The following L3MBTL4 variants were observed in gnomAD, a reference collection of about 807,000 sequenced individuals.
The protein encoded by L3MBTL4 is lethal(3)malignant brain tumor-like protein 4.
A neutral mutation model predicts 84.5 loss-of-function variants in L3MBTL4; 70 were observed. The observed-to-expected ratio is 0.83, with a 90% CI of 0.68 to 1.01. L3MBTL4 has a LOEUF of 1.01. L3MBTL4 is among the 50% of genes least tolerant of loss of function. L3MBTL4 has a pLI of 0.00. For missense variants in L3MBTL4, 715 were observed against 754.8 expected (o/e 0.95, Z 0.62); for synonymous variants, 274 against 259.8 (o/e 1.05, Z -0.52).
intron 13 of L3MBTL4, among the ~76,000 whole-genome samples, chr18:6,144,196 CAAAAAA>C (rs35746580): frequency 0.026 from 1,484 of 58,078 alleles, 36 homozygotes; most frequent in African/African-American, 0.083. Context: ...ACTCCATCTC[CAAAAAA>C]AAAAAAAAAA....
At chr18:6,008,439 T>C (rs996456280) in intron 16 of L3MBTL4, among the ~76,000 whole-genome samples, 6 of 152,208 alleles carry the variant, frequency 3.9e-5, no homozygotes, top group Admixed American at 6.5e-5. Flanking sequence ...CAAAATACTA[T>C]AGATTGGTGG....
intron 1 of L3MBTL4, among the ~76,000 whole-genome samples, chr18:6,316,421 C>T (rs2051101899): frequency 6.6e-6 from 1 of 152,170 alleles, no homozygotes; most frequent in African/African-American, 2.4e-5. Context: ...ACATTCTGCT[C>T]ACGGGAAGTT....
chr18:5,960,027 T>TATATATATATACAC, intron 18 of L3MBTL4, 67 bp downstream of exon 18: 1 of 300,826 alleles, frequency 3.3e-6, no homozygotes, highest in Non-Finnish European at 5.6e-6. Context: ...TATATATACA[T>TATATATATATACAC]ATATATATAT....
At chr18:6,202,004 T>C (rs966315680) in intron 12 of L3MBTL4, among the ~76,000 whole-genome samples, 2 of 152,234 alleles carry the variant, frequency 1.3e-5, no homozygotes, top group African/African-American at 4.8e-5. Context: ...TAATTGGATA[T>C]GTAAACAGAC....
chr18:6,393,269 C>G (rs1262961340), intron 1 of L3MBTL4, among the ~76,000 whole-genome samples: 1 of 152,120 alleles, frequency 6.6e-6, no homozygotes, highest in East Asian at 1.9e-4. Flanking sequence ...GCTCCTAGGA[C>G]AGAAACTTAG....
At chr18:6,187,567 G>A (rs919348407) in intron 12 of L3MBTL4, among the ~76,000 whole-genome samples, 2 of 152,176 alleles carry the variant, frequency 1.3e-5, no homozygotes, top group Admixed American at 6.5e-5. Context: ...AATGGCTCAT[G>A]TTTACATGTA....
chr18:6,037,314 C>T (rs995886428), intron 16 of L3MBTL4, among the ~76,000 whole-genome samples: 14 of 152,162 alleles, frequency 9.2e-5, no homozygotes, highest in African/African-American at 3.4e-4. Flanking sequence ...TGCAGTTTAC[C>T]ATGTTAACCA....
intron 16 of L3MBTL4, among the ~76,000 whole-genome samples, chr18:6,012,028 T>G (rs2054763182): frequency 6.6e-6 from 1 of 152,214 alleles, no homozygotes; most frequent in African/African-American, 2.4e-5. Context: ...AATTCAAGTT[T>G]TCCTTAAAAA....
At chr18:6,048,262 T>C (rs1483199204) in intron 16 of L3MBTL4, among the ~76,000 whole-genome samples, 2 of 152,202 alleles carry the variant, frequency 1.3e-5, no homozygotes, top group African/African-American at 2.4e-5. Flanking sequence ...AAACATTCCA[T>C]GTTCATGGAT....
intron 1 of L3MBTL4, among the ~76,000 whole-genome samples, chr18:6,388,712 GT>G (rs979293713): frequency 6.6e-6 from 1 of 152,184 alleles, no homozygotes; most frequent in Non-Finnish European, 1.5e-5. Context: ...ATGGATATTT[GT>G]TTTGTATTCT....
intron 14 of L3MBTL4, among the ~76,000 whole-genome samples, chr18:6,113,120 T>C (rs756400025): frequency 7.2e-5 from 11 of 152,152 alleles, no homozygotes; most frequent in East Asian, 1.9e-4. Flanking sequence ...TTTCACTCAG[T>C]GTTTCCCAAA....
intron 12 of L3MBTL4, among the ~76,000 whole-genome samples, chr18:6,175,064 CA>C (rs965563636): frequency 6.6e-5 from 10 of 151,840 alleles, no homozygotes; most frequent in African/African-American, 2.2e-4. Flanking sequence ...CCAAAAATAC[CA>C]ATTTGCAAGC....
chr18:6,098,792 TAAGAC>T (rs924295591), intron 14 of L3MBTL4, among the ~76,000 whole-genome samples: 5 of 152,152 alleles, frequency 3.3e-5, no homozygotes, highest in Admixed American at 2.6e-4. Flanking sequence ...AAGAGGCAGA[TAAGAC>T]AAGACTGAAG....
intron 14 of L3MBTL4, among the ~76,000 whole-genome samples, chr18:6,111,943 T>C (rs1230114684): frequency 6.6e-6 from 1 of 152,194 alleles, no homozygotes; most frequent in Non-Finnish European, 1.5e-5. Context: ...CCTTGACTTA[T>C]TCTTGTAACT....
intron 4 of L3MBTL4, among the ~76,000 whole-genome samples, chr18:6,269,061 A>T (rs1442356915): frequency 6.6e-6 from 1 of 152,238 alleles, no homozygotes; most frequent in East Asian, 1.9e-4. Flanking sequence ...ATGGAACAGA[A>T]ATTCCAATTT....
intron 5 of L3MBTL4, among the ~76,000 whole-genome samples, chr18:6,245,457 G>A (rs1440355209): frequency 6.6e-6 from 1 of 151,934 alleles, no homozygotes; most frequent in Non-Finnish European, 1.5e-5. Context: ...GCTCTTCACT[G>A]TGTTTACAGT....
chr18:6,164,394 C>A (rs1175655515), intron 13 of L3MBTL4, among the ~76,000 whole-genome samples: 3 of 152,204 alleles, frequency 2.0e-5, no homozygotes, highest in Non-Finnish European at 2.9e-5. Flanking sequence ...CAAGTGGGTC[C>A]CTGACCCCCG....
chr18:6,405,008 T>C (rs972567087), intron 1 of L3MBTL4, among the ~76,000 whole-genome samples: 1 of 152,194 alleles, frequency 6.6e-6, no homozygotes, highest in African/African-American at 2.4e-5. Flanking sequence ...CTATTTCTTT[T>C]TATTTGTATT....
intron 12 of L3MBTL4, among the ~76,000 whole-genome samples, chr18:6,185,514 G>A (rs2044683262): frequency 6.6e-6 from 1 of 152,116 alleles, no homozygotes; most frequent in Non-Finnish European, 1.5e-5. Flanking sequence ...CCCACCGGAG[G>A]GTGGTGCTCC....
Sources: allele counts gnomAD v4.1 joint callset (sites outside exome capture counted in the v4.1 genomes callset), GRCh38; gene constraint gnomAD v4.1.1; transcripts MANE v1.5; gene names NCBI Gene and HGNC (gene_info 2026-07-23, HGNC 2026-07-21).